The following SYT8 variants were observed in gnomAD, a reference collection of about 807,000 sequenced individuals.
SYT8 encodes synaptotagmin-8.
SYT8 carries 50 observed loss-of-function variants against 34.9 expected under a neutral mutation model. That is an observed-to-expected ratio of 1.43 (90% CI 1.14 to 1.81). The LOEUF is 1.81. SYT8 is among the 40% of genes most tolerant of loss of function. The probability of loss-of-function intolerance (pLI) is 0.00; values close to 1 mark genes in which losing one functional copy is unlikely to be tolerated. For synonymous variants in SYT8, 255 were observed against 234.2 expected, an observed-to-expected ratio of 1.09 and a Z score of -0.81; for missense variants, 595 against 529.0, an observed-to-expected ratio of 1.12 and a Z score of -1.22.
rs1387004912 is a variant in SYT8, at chr11:1,836,238, A to G, written c.470A>G (p.His157Arg). 9.4e-6 allele frequency: 15 copies of G among 1,591,038 alleles called. No individual in the cohort carries two copies. The highest frequency in any genetic ancestry group is 3.3e-4 in the Middle Eastern group (2 of 5,994). ...QAGHRHETKV[H>R]RGTLCPVFDE... The stretch of plus-strand genomic sequence containing the variant: ...GGACACAGACATGAGACAAAAGTGC[A>G]CCGAGGCACGCTCTGCCCCGTGTTT... Residue 157 changes from histidine to arginine, a missense_variant, in exon 4 of 8, where the codon CAC becomes CGC. By Grantham distance (29) the His-to-Arg change is conservative. Coordinates refer to ENST00000341958, the MANE Select transcript of SYT8 (RefSeq NM_001394072.1).
rs375630776 is a variant in SYT8 at position 1,836,938 on chromosome 11, G to A, written c.791-19G>A. ...GCCCCGAGCCCTGGGATGCCCCTTC[G>A]GCAACCTTGCCCTCCCAGAGCCCTA... On this transcript the variant is annotated intron_variant, in intron 6 of 7. Transcript: ENST00000341958. 2.3e-5 allele frequency: 37 copies of A among 1,613,020 alleles called. No individual in the cohort carries two copies. The highest frequency in any genetic ancestry group is 6.7e-5 in the Admixed American group (4 of 59,976).
intron 4 of SYT8, 24 bp downstream of exon 4, chr11:1,836,308 G>GTGGGCCTGGACGGCTGGA: frequency 3.3e-6 from 5 of 1,522,088 alleles, no homozygotes; most frequent in Non-Finnish European, 3.5e-6. Flanking sequence ...GGTCGGCTGG[G>GTGGGCCTGGACGGCTGGA]TGGGCCTGGA....
rs749890243 is a variant in SYT8 at position 1,836,746 on chromosome 11, C to T, written c.685-10C>T. The T allele has an allele frequency of 1.2e-6, 2 of 1,607,486 alleles. No homozygotes were observed. Among genetic ancestry groups the T allele is most frequent in the South Asian group, 2.2e-5 (2 of 91,014 alleles). On this transcript the variant is annotated splice_polypyrimidine_tract_variant and intron_variant, in intron 5 of 7. Coordinates refer to ENST00000341958, the MANE Select transcript of SYT8 (RefSeq NM_001394072.1). ...CCCTCCCGGGCTGAAGCCCCTCTTG[C>T]TGCCCACAGCCCGAGCAGGTCGGGG... is the stretch of plus-strand genomic sequence containing the variant.
upstream of SYT8, chr11:1,834,234 C>G (rs955141591): frequency 4.5e-6 from 2 of 442,064 alleles, no homozygotes; most frequent in African/African-American, 4.2e-5. This position sits in a 1 kb window ranked among gnomAD's most constrained non-coding sequence, Gnocchi z 4.5. Context: ...TGCTCCCTCC[C>G]CAGGCCCTAG....
In SYT8 at chr11:1,835,907, C is replaced by A. The variant is rs150714989; in HGVS notation, c.280C>A (p.Leu94Met). ...CCAGGTGCAACCTGATGTGGATGGC[C>A]TGGAGTCCAGCCCGGGGGATGCTCA... is the stretch of plus-strand genomic sequence containing the variant. ...THLVQPDVDGLESSPGDAQQW... is the reference protein window; with the variant it reads ...THLVQPDVDGMESSPGDAQQW... The change falls in exon 3 of 8, where the codon CTG (leucine) becomes ATG (methionine). Residue 94 changes from leucine to methionine, a missense_variant. Leu to Met is a conservative substitution (Grantham distance 15, BLOSUM62 2). Transcript: ENST00000341958. 2 of 1,610,718 alleles carry A rather than the reference C, an allele frequency of 1.2e-6. No homozygotes were observed. Among genetic ancestry groups the A allele is most frequent in the Non-Finnish European group, 8.5e-7 (1 of 1,179,148 alleles).
At position 1,837,261 on chromosome 11, in the gene SYT8, C is replaced by A; in HGVS notation, c.994C>A (p.His332Asn). The change falls in exon 8 of 8, where the codon CAC becomes AAC. Residue 332 changes from histidine (H) to asparagine (N), a missense_variant. His to Asn is a moderately conservative substitution (Grantham distance 68, BLOSUM62 1). Coordinates refer to ENST00000341958, the MANE Select transcript of SYT8 (RefSeq NM_001394072.1). ...CCGAACTGAGCCCGTAGGCAAGGTG[C>A]ACCTGGGTGCCCGGGCCTCGGGGCA... ...PLRTEPVGKV[H>N]LGARASGQPL... is the part of the protein sequence containing the mutation. 1 of 1,584,780 alleles carries A rather than the reference C, an allele frequency of 6.3e-7. No homozygotes were observed.
Position 1,836,432 on chromosome 11 carries a change from A to G in SYT8, c.524A>G (p.Gln175Arg). 6.4e-7 allele frequency: 1 copy of G among 1,565,172 alleles called. No homozygotes were observed. Among genetic ancestry groups the G allele is most frequent in the Non-Finnish European group, 8.6e-7 (1 of 1,157,018 alleles). The change falls in exon 5 of 8, where the codon CAG (glutamine) becomes CGG (arginine). Residue 175 changes from glutamine (Q) to arginine (R), a missense_variant. Transcript: ENST00000341958. ...FDETCCFHIP[Q>R]AELPGATLQV... Reference sequence around the variant, plus strand: ...CTCACGCCGCTGCCTCAGATCCCGCAGGCGGAGCTGCCAGGGGCCACCCTG... The same window carrying G: ...CTCACGCCGCTGCCTCAGATCCCGCGGGCGGAGCTGCCAGGGGCCACCCTG...
upstream of SYT8, chr11:1,831,984 C>T (rs80150773): frequency 0.013 from 4,547 of 354,658 alleles, 60 homozygotes; most frequent in Non-Finnish European, 0.016. Flanking sequence ...GAAAGGTGTT[C>T]CCACGGAAGC....
At chr11:1,836,028 C>T (rs531915999) in intron 3 of SYT8, 44 bp downstream of exon 3, 49 of 1,589,372 alleles carry the variant, frequency 3.1e-5, no homozygotes, top group Middle Eastern at 1.7e-4. Flanking sequence ...TGCGAGTTTC[C>T]GGAAAGGGTG....
At chr11:1,833,985 G>C (rs1846769386), upstream of SYT8, 1 of 154,132 alleles carries the variant, frequency 6.5e-6, no homozygotes, top group African/African-American at 2.4e-5. Context: ...GCCTGGGCTG[G>C]GCCCCTGAGG....
At chr11:1,835,682 G>A in intron 2 of SYT8, 2 of 732,948 alleles carry the variant, frequency 2.7e-6, no homozygotes, top group Non-Finnish European at 4.5e-6. Flanking sequence ...GGGTTCTTGA[G>A]GAAGGCAGGG....
At chr11:1,834,943 A>G, upstream of SYT8, 1 of 696,048 alleles carries the variant, frequency 1.4e-6, no homozygotes, top group Non-Finnish European at 2.4e-6. This position sits in a 1 kb window ranked among gnomAD's most constrained non-coding sequence, Gnocchi z 4.5. Context: ...TTCCTGCTGC[A>G]CAGAACCCTC....
In SYT8 at chr11:1,836,459, A is replaced by G; in HGVS notation, c.551A>G (p.Gln184Arg). Residue 184 changes from glutamine to arginine, a missense_variant, in exon 5 of 8, where the codon CAG becomes CGG. Physicochemically the swap from Gln to Arg is conservative, Grantham distance 43 (BLOSUM62 1). Transcript: ENST00000341958. ...GCGGAGCTGCCAGGGGCCACCCTGC[A>G]GGTGCAGCTTTTCAACTTCAAGCGC... ...PQAELPGATL[Q>R]VQLFNFKRFS... 6.2e-7 allele frequency: 1 copy of G among 1,602,998 alleles called. No individual in the cohort carries two copies. Among genetic ancestry groups the G allele is most frequent in the Non-Finnish European group, 8.5e-7 (1 of 1,176,126 alleles).
At position 1,836,235 on chromosome 11, in the gene SYT8, T is replaced by C. The variant is rs562002949; in HGVS notation, c.467T>C (p.Val156Ala). ...TQAGHRHETK[V>A]HRGTLCPVFD... ...GCCGGACACAGACATGAGACAAAAG[T>C]GCACCGAGGCACGCTCTGCCCCGTG... is the stretch of plus-strand genomic sequence containing the variant. The change falls in exon 4 of 8, where the codon GTG becomes GCG. Residue 156 changes from valine to alanine, a missense_variant. Val to Ala is a moderately conservative substitution (Grantham distance 64). Coordinates refer to ENST00000341958, the MANE Select transcript of SYT8 (RefSeq NM_001394072.1). 16 of 1,593,080 alleles carry C rather than the reference T, an allele frequency of 1.0e-5. No homozygotes were observed. The highest frequency in any genetic ancestry group is 3.3e-4 in the Middle Eastern group (2 of 6,004).
intron 2 of SYT8, 109 bp from the exon 3 acceptor site, chr11:1,835,774 GGCC>G: frequency 1.0e-6 from 1 of 957,952 alleles, no homozygotes; most frequent in Non-Finnish European, 1.6e-6. Flanking sequence ...TGGGTGGCCT[GGCC>G]TGGAGGCGGG....
intron 5 of SYT8, 47 bp from the exon 6 acceptor site, chr11:1,836,709 C>G (rs374420506): frequency 6.3e-7 from 1 of 1,597,340 alleles, no homozygotes; most frequent in East Asian, 2.2e-5. Flanking sequence ...AGCCCCAACT[C>G]GGCCAGAATC....
At chr11:1,831,916 G>A, upstream of SYT8, 1 of 367,880 alleles carries the variant, frequency 2.7e-6, no homozygotes, top group Non-Finnish European at 5.5e-6. Flanking sequence ...TTTACACCTG[G>A]GGGGCTGCCA....
At chr11:1,831,905 A>T (rs566423676), upstream of SYT8, 59 of 379,924 alleles carry the variant, frequency 1.6e-4, 1 homozygote, top group South Asian at 9.1e-4. Context: ...AGGTGAGAGC[A>T]TTTACACCTG....
chr11:1,836,359 G>C (rs1369873230), intron 4 of SYT8, 66 bp from the exon 5 acceptor site: 7 of 1,495,634 alleles, frequency 4.7e-6, no homozygotes, highest in Non-Finnish European at 6.2e-6. Context: ...GGGCAGCTGG[G>C]TGGGCCTGGG....
Sources: allele counts gnomAD v4.1 joint callset, GRCh38; gene constraint gnomAD v4.1.1; non-coding constraint Gnocchi (gnomAD v3.1); transcripts MANE v1.5; gene names NCBI Gene and HGNC (gene_info 2026-07-23, HGNC 2026-07-21).